The following STARD13 variants were observed in gnomAD, a reference collection of about 807,000 sequenced individuals.
STARD13 encodes the protein StAR related lipid transfer domain containing 13, also known as stAR-related lipid transfer protein 13.
STARD13 carries 62 observed loss-of-function variants against 106.4 expected under a neutral mutation model. That is an observed-to-expected ratio of 0.58 (90% CI 0.48 to 0.72). STARD13 has a LOEUF of 0.72. STARD13 is among the 30% of genes least tolerant of loss of function. STARD13 has a pLI of 0.00. For missense variants in STARD13, 1,387 were observed against 1,424.0 expected, an observed-to-expected ratio of 0.97 and a Z score of 0.42; for synonymous variants, 565 against 553.0, an observed-to-expected ratio of 1.02 and a Z score of -0.31.
At chr13:33,479,883 G>A in the STARD13 span, among the ~76,000 whole-genome samples, 1 of 152,126 alleles carries the variant, frequency 6.6e-6, no homozygotes, top group African/African-American at 2.4e-5. Context: ...TGCCATGATT[G>A]TAAGTCTCCT....
the STARD13 span, among the ~76,000 whole-genome samples, chr13:33,551,984 C>T: frequency 6.6e-6 from 1 of 151,976 alleles, no homozygotes; most frequent in African/African-American, 2.4e-5. Context: ...CCATTAAAGA[C>T]CTGCAGTGAA....
the STARD13 span, among the ~76,000 whole-genome samples, chr13:33,486,453 CAAT>C: frequency 6.6e-6 from 1 of 152,064 alleles, no homozygotes; most frequent in Non-Finnish European, 1.5e-5. Flanking sequence ...AGATTAACAA[CAAT>C]ATCTAATTAT....
the STARD13 span, among the ~76,000 whole-genome samples, chr13:33,626,793 A>G: frequency 6.6e-6 from 1 of 152,228 alleles, no homozygotes. Flanking sequence ...ACACATCCCA[A>G]ATTCAGAATA....
the STARD13 span, among the ~76,000 whole-genome samples, chr13:33,599,464 A>G: frequency 6.6e-6 from 1 of 152,196 alleles, no homozygotes; most frequent in East Asian, 1.9e-4. Context: ...AACCTTGTTT[A>G]TCAATTTCCT....
the STARD13 span, among the ~76,000 whole-genome samples, chr13:33,527,150 C>T: frequency 2.0e-5 from 3 of 151,926 alleles, no homozygotes. Context: ...CTTTGTATTG[C>T]AAAATAAGTG....
chr13:33,403,071 AAG>A, the STARD13 span, among the ~76,000 whole-genome samples: 2 of 152,210 alleles, frequency 1.3e-5, no homozygotes, highest in African/African-American at 4.8e-5. Context: ...GCAAGGCTAA[AAG>A]AGCACTGTAA....
At chr13:33,405,732 C>T in the STARD13 span, among the ~76,000 whole-genome samples, 1 of 152,204 alleles carries the variant, frequency 6.6e-6, no homozygotes, top group African/African-American at 2.4e-5. Context: ...GCCCACCCAG[C>T]AAGGTTGGTA....
chr13:33,243,128 C>A (rs929186424), intron 1 of STARD13, among the ~76,000 whole-genome samples: 1 of 152,196 alleles, frequency 6.6e-6, no homozygotes, highest in Non-Finnish European at 1.5e-5. Flanking sequence ...CCCTACCGCC[C>A]ACTCCATAGC....
chr13:33,494,915 C>T, the STARD13 span, among the ~76,000 whole-genome samples: 177 of 152,112 alleles, frequency 1.2e-3, no homozygotes, highest in Non-Finnish European at 2.1e-3. Context: ...AAAACAAATG[C>T]GCCCCCAAAA....
At chr13:33,430,063 G>T in the STARD13 span, among the ~76,000 whole-genome samples, 2 of 151,844 alleles carry the variant, frequency 1.3e-5, no homozygotes, top group Middle Eastern at 3.2e-3. Context: ...GACTACAGGC[G>T]CCCGCCACCA....
chr13:33,652,402 A>G, the STARD13 span, among the ~76,000 whole-genome samples: 1 of 152,236 alleles, frequency 6.6e-6, no homozygotes, highest in South Asian at 2.1e-4. Context: ...ATATGTGATA[A>G]AGTCACACAT....
Position 33,127,494 on chromosome 13 carries a change from C to T in STARD13, c.1801G>A (p.Ala601Thr), listed in dbSNP as rs1877373595. ...QLSHQPRPAP[A>T]SPHISSQTAS... ...GTCTGGCTGCTGATGTGGGGCGATG[C>T]TGGGGCCGGCCGGGGCTGGTGCGAC... is the stretch of plus-strand genomic sequence containing the variant. Residue 601 changes from alanine (A) to threonine (T), a missense_variant, in exon 6 of 14, where the codon GCA becomes ACA. Transcript: ENST00000336934. 6.3e-7 allele frequency: 1 copy of T among 1,588,294 alleles called. No individual in the cohort carries two copies. The highest frequency in any genetic ancestry group is 8.5e-7 in the Non-Finnish European group (1 of 1,173,160).
the STARD13 span, among the ~76,000 whole-genome samples, chr13:33,659,351 G>A: frequency 1.3e-5 from 2 of 151,670 alleles, no homozygotes; most frequent in South Asian, 2.1e-4. Context: ...GAGTAGCTGC[G>A]ACTACAGGCA....
At chr13:33,107,901 T>A (rs1217037938) in intron 12 of STARD13, among the ~76,000 whole-genome samples, 1 of 152,220 alleles carries the variant, frequency 6.6e-6, no homozygotes, top group Non-Finnish European at 1.5e-5. Flanking sequence ...CCACAAATTC[T>A]ATTCCCTTAC....
chr13:33,110,154 T>C, intron 11 of STARD13, 64 bp from the exon 12 acceptor site: 1 of 1,497,756 alleles, frequency 6.7e-7, no homozygotes. Flanking sequence ...CATTTTTTGT[T>C]TGGGCTTTTA....
At chr13:33,404,858 C>G in the STARD13 span, among the ~76,000 whole-genome samples, 1 of 150,888 alleles carries the variant, frequency 6.6e-6, no homozygotes, top group Non-Finnish European at 1.5e-5. Flanking sequence ...CTCACTGCAA[C>G]CTCGGCCTCC....
At chr13:33,377,618 GACAC>G in the STARD13 span, among the ~76,000 whole-genome samples, 34 of 138,212 alleles carry the variant, frequency 2.5e-4, no homozygotes, top group African/African-American at 8.2e-4. Context: ...TCTCCCCCAG[GACAC>G]ACACACACAC....
At chr13:33,231,476 C>A (rs1029137556) in intron 1 of STARD13, among the ~76,000 whole-genome samples, 6 of 152,094 alleles carry the variant, frequency 3.9e-5, no homozygotes, top group Non-Finnish European at 8.8e-5. Flanking sequence ...CACTGCCCTG[C>A]AGGCTAGGGC....
At chr13:33,309,498 G>A (rs920149987) in intron 1 of STARD13, among the ~76,000 whole-genome samples, 1 of 152,206 alleles carries the variant, frequency 6.6e-6, no homozygotes, top group Non-Finnish European at 1.5e-5. Context: ...AGAGAAGCTG[G>A]TGCAATGGTA....
Sources: allele counts gnomAD v4.1 joint callset (sites outside exome capture counted in the v4.1 genomes callset), GRCh38; gene constraint gnomAD v4.1.1; transcripts MANE v1.5; gene names NCBI Gene and HGNC (gene_info 2026-07-23, HGNC 2026-07-21).